The following TMEM178B variants were observed in gnomAD, a reference collection of about 807,000 sequenced individuals.
TMEM178B encodes transmembrane protein 178B.
TMEM178B carries 5 observed loss-of-function variants against 31.0 expected under a neutral mutation model. The observed-to-expected ratio is 0.16, with a 90% CI of 0.08 to 0.34. The LOEUF is 0.34. Ranked by LOEUF, TMEM178B falls within the 10% of genes least tolerant of loss-of-function variation. The pLI, the probability that TMEM178B is intolerant of heterozygous loss-of-function variation, is 1.00. For missense variants in TMEM178B, 275 were observed against 400.3 expected, an observed-to-expected ratio of 0.69 and a Z score of 2.67; for synonymous variants, 164 against 164.0, an observed-to-expected ratio of 1.00 and a Z score of 0.00.
rs143814472 is a variant in TMEM178B at position 141,445,605 on chromosome 7, A to G, written c.634+7860A>G. On this transcript the variant is annotated intron_variant, in intron 3 of 3. Coordinates refer to ENST00000565468, the MANE Select transcript of TMEM178B (RefSeq NM_001195278.2). ...GACTCTTAGGTCAGAGAGGGGAGACATGGAGTAAAAGGACCATATAAGTTA... is the reference window on the plus strand; with the variant it reads ...GACTCTTAGGTCAGAGAGGGGAGACGTGGAGTAAAAGGACCATATAAGTTA... 1.5e-3 allele frequency among the ~76,000 whole-genome samples: 226 copies of G among 152,388 alleles called. No homozygotes were observed. The Middle Eastern group carries it at 0.024, about 16-fold the overall frequency.
At chr7:141,427,373 C>G (rs1353637682) in intron 2 of TMEM178B, among the ~76,000 whole-genome samples, 1 of 152,072 alleles carries the variant, frequency 6.6e-6, no homozygotes, top group Non-Finnish European at 1.5e-5. Context: ...ACCAATGGAA[C>G]AGAATAGAGA....
At chr7:141,464,887 G>C (rs4725557) in intron 3 of TMEM178B, among the ~76,000 whole-genome samples, 6,433 of 152,210 alleles carry the variant, frequency 0.042, 363 homozygotes, top group East Asian at 0.22. Context: ...TGTGGAGCAC[G>C]CAGCAGAACC....
intron 2 of TMEM178B, among the ~76,000 whole-genome samples, chr7:141,371,932 T>A (rs1195395398): frequency 6.6e-6 from 1 of 152,230 alleles, no homozygotes; most frequent in African/African-American, 2.4e-5. Context: ...CTTTTCTCCA[T>A]TGGGTCAATC....
intron 2 of TMEM178B, among the ~76,000 whole-genome samples, chr7:141,436,504 T>G (rs936208836): frequency 1.3e-5 from 2 of 150,784 alleles, no homozygotes; most frequent in Non-Finnish European, 3.0e-5. Flanking sequence ...TGTGGATGGG[T>G]GGAGAGAGGG....
intron 2 of TMEM178B, among the ~76,000 whole-genome samples, chr7:141,215,656 T>C (rs1443277793): frequency 1.3e-5 from 2 of 151,878 alleles, no homozygotes; most frequent in African/African-American, 4.8e-5. Flanking sequence ...GACCATAATA[T>C]CTTGTATTCT....
At chr7:141,216,484 G>C (rs116462978) in intron 2 of TMEM178B, among the ~76,000 whole-genome samples, 2 of 143,622 alleles carry the variant, frequency 1.4e-5, no homozygotes, top group Non-Finnish European at 3.0e-5. Context: ...TGGGTGTGTG[G>C]TGGGGAAGAA....
chr7:141,250,585 T>C (rs574201897), intron 2 of TMEM178B, among the ~76,000 whole-genome samples: 142 of 152,320 alleles, frequency 9.3e-4, no homozygotes, highest in Non-Finnish European at 1.7e-3. Context: ...GTGTCTGATG[T>C]TCTCATGGGA....
At chr7:141,322,187 A>G (rs1799111217) in intron 2 of TMEM178B, among the ~76,000 whole-genome samples, 1 of 152,122 alleles carries the variant, frequency 6.6e-6, no homozygotes, top group Admixed American at 6.5e-5. Context: ...ATGGGAAATC[A>G]CAATGCCGAG....
intron 1 of TMEM178B, among the ~76,000 whole-genome samples, chr7:141,159,182 C>T (rs1467866069): frequency 6.6e-6 from 1 of 152,108 alleles, no homozygotes; most frequent in African/African-American, 2.4e-5. Flanking sequence ...TCCCTCTTCT[C>T]TTTCCAGGGC....
At chr7:141,270,225 G>T (rs1408624473) in intron 2 of TMEM178B, among the ~76,000 whole-genome samples, 1 of 152,132 alleles carries the variant, frequency 6.6e-6, no homozygotes, top group Non-Finnish European at 1.5e-5. Context: ...CACAGCTCTG[G>T]GGAGCACCTG....
chr7:141,366,337 T>C (rs927599427), intron 2 of TMEM178B, among the ~76,000 whole-genome samples: 1 of 152,168 alleles, frequency 6.6e-6, no homozygotes, highest in Non-Finnish European at 1.5e-5. Flanking sequence ...TGTTTTGTTT[T>C]CCCTCCCAAA....
At chr7:141,121,195 A>G (rs541280147) in intron 1 of TMEM178B, among the ~76,000 whole-genome samples, 81 of 152,178 alleles carry the variant, frequency 5.3e-4, no homozygotes, top group African/African-American at 1.8e-3. Context: ...TTTTAAGCCA[A>G]ATTGTATTAT....
intron 2 of TMEM178B, among the ~76,000 whole-genome samples, chr7:141,279,924 T>G (rs1586867251): frequency 6.6e-6 from 1 of 152,274 alleles, no homozygotes; most frequent in Non-Finnish European, 1.5e-5. Context: ...TCGTTGACTT[T>G]GTGTAATACA....
At chr7:141,337,047 C>T (rs1465291958) in intron 2 of TMEM178B, among the ~76,000 whole-genome samples, 4 of 77,140 alleles carry the variant, frequency 5.2e-5, no homozygotes, top group Admixed American at 1.2e-4. Context: ...ACCACCACCA[C>T]CATCACCACC....
intron 1 of TMEM178B, among the ~76,000 whole-genome samples, chr7:141,113,887 A>T (rs1419490371): frequency 1.3e-5 from 2 of 152,230 alleles, no homozygotes; most frequent in African/African-American, 4.8e-5. Flanking sequence ...GTGCTATCTC[A>T]GACAGGGGAG....
intron 1 of TMEM178B, among the ~76,000 whole-genome samples, chr7:141,103,762 G>GT (rs1259070175): frequency 1.3e-5 from 2 of 152,050 alleles, no homozygotes; most frequent in Non-Finnish European, 2.9e-5. Context: ...CATATAATAT[G>GT]TTTTTTCTAT....
chr7:141,497,326 T>A, the TMEM178B span, among the ~76,000 whole-genome samples: 5 of 152,312 alleles, frequency 3.3e-5, no homozygotes, highest in East Asian at 9.6e-4. Context: ...TCCTTCCCTT[T>A]TCTCCTTTCT....
chr7:141,234,078 A>G (rs556148885), intron 2 of TMEM178B, among the ~76,000 whole-genome samples: 4 of 152,188 alleles, frequency 2.6e-5, no homozygotes, highest in African/African-American at 4.8e-5. Context: ...TTGCACTGGG[A>G]GAAGGTGACT....
chr7:141,421,849 T>C (rs1801216164), intron 2 of TMEM178B, among the ~76,000 whole-genome samples: 1 of 152,108 alleles, frequency 6.6e-6, no homozygotes, highest in Non-Finnish European at 1.5e-5. Context: ...TTTTTTTTTT[T>C]TCTCACTACA....
Sources: gnomAD v4.1 joint callset for allele counts (sites outside exome capture counted in the v4.1 genomes callset) on GRCh38, gnomAD v4.1.1 for gene constraint, MANE v1.5 for transcripts, NCBI Gene and HGNC (gene_info 2026-07-23, HGNC 2026-07-21) for gene names.